Variants in KCNU1 observed in about 807,000 individuals in gnomAD.
KCNU1 encodes the protein potassium calcium-activated channel subfamily U member 1.
Under a neutral mutation model 126.8 loss-of-function variants are expected in KCNU1, and 93 were observed. That is an observed-to-expected ratio of 0.73 (90% CI 0.62 to 0.87). The LOEUF is 0.87. Among genes scored for constraint, KCNU1 ranks in the 40% least tolerant of loss-of-function variants. The probability of loss-of-function intolerance (pLI) is 0.00; values close to 1 mark genes in which losing one functional copy is unlikely to be tolerated. For synonymous variants in KCNU1, 523 were observed against 494.2 expected, an observed-to-expected ratio of 1.06 and a Z score of -0.77; for missense variants, 1,330 against 1,367.1, an observed-to-expected ratio of 0.97 and a Z score of 0.43.
At chr8:36,829,108 TTAAC>T (rs1254698356) in intron 10 of KCNU1, among the ~76,000 whole-genome samples, 2 of 152,090 alleles carry the variant, frequency 1.3e-5, no homozygotes, top group African/African-American at 4.8e-5. Flanking sequence ...ATTTTTTTAC[TTAAC>T]TATTTTGTGT....
chr8:36,827,176 C>A (rs1481665509), intron 10 of KCNU1, among the ~76,000 whole-genome samples: 1 of 152,168 alleles, frequency 6.6e-6, no homozygotes, highest in Admixed American at 6.6e-5. Context: ...CTTTGAAACA[C>A]AACAGGGCAC....
chr8:36,784,597 A>G lies in KCNU1; in HGVS notation c.187A>G (p.Ile63Val). ...ATGGCAAATCATCAAGGGAACAGGA[A>G]TTATCTTGGTCAGTTTCCTTGTTAG... ...KKWQIIKGTG[I>V]ILELFTSGTI... The change falls in exon 1 of 27, where the codon ATT becomes GTT. Residue 63 changes from isoleucine (I) to valine (V), a missense_variant. Transcript: ENST00000399881. 1 of 1,611,214 alleles carries G rather than the reference A, an allele frequency of 6.2e-7. No individual in the cohort carries two copies.
In KCNU1 at chr8:36,928,845, G is replaced by A. The variant is rs554342945; in HGVS notation, c.2737-2106G>A. 1.6e-5 allele frequency: 9 copies of A among 576,886 alleles called. No individual in the cohort carries two copies. The African/African-American group carries it at 1.7e-4, about 11-fold the overall frequency. 35.7% of individuals were successfully genotyped at this position (576,886 alleles called of 1,614,324 possible). On this transcript the variant is annotated intron_variant, in intron 24 of 26. Transcript: ENST00000399881. ...TCTGATCTGAGGACAACCAGTGTCA[G>A]AACCACTCAGAGTGCCCTTTAAATT...
rs1393674822 is a variant in KCNU1 at position 36,814,242 on chromosome 8, A to G, written c.768A>G (p.Arg256=). 1.9e-6 allele frequency: 3 copies of G among 1,613,486 alleles called. No individual in the cohort carries two copies. Among genetic ancestry groups the G allele is most frequent in the Non-Finnish European group, 2.5e-6 (3 of 1,179,558 alleles). Residue 256 remains arginine (R), a synonymous_variant, in exon 8 of 27, where the codon AGA becomes AGG. Transcript: ENST00000399881. ...ENSGDPWLKG[R]NSQNISYFES... Reference sequence around the variant, plus strand: ...CTGGTGATCCCTGGCTCAAAGGTAGAAATTCACAGAATATATCATATTTTG... The same window carrying G: ...CTGGTGATCCCTGGCTCAAAGGTAGGAATTCACAGAATATATCATATTTTG...
At chr8:36,884,042 G>A (rs1448215351) in intron 19 of KCNU1, among the ~76,000 whole-genome samples, 3 of 152,150 alleles carry the variant, frequency 2.0e-5, no homozygotes, top group African/African-American at 2.4e-5. Context: ...CTGAGATAAC[G>A]AAGTTTCATA....
Position 36,932,957 on chromosome 8 carries a change from T to C in KCNU1, c.2969T>C (p.Leu990Ser). ...NTFGQLFCGS[L>S]DLFGILCVGL... ...TTTGGACAACTGTTCTGTGGCTCAT[T>C]AGATCTTTTTGGAATCCTGTGTGTT... The change falls in exon 26 of 27, where the codon TTA (leucine) becomes TCA (serine). Residue 990 changes from leucine to serine, a missense_variant. Physicochemically the swap from Leu to Ser is moderately radical, Grantham distance 145. Transcript: ENST00000399881. 1 of 1,576,670 alleles carries C rather than the reference T, an allele frequency of 6.3e-7. No homozygotes were observed. Among genetic ancestry groups the C allele is most frequent in the Non-Finnish European group, 8.6e-7 (1 of 1,159,398 alleles).
intron 18 of KCNU1, among the ~76,000 whole-genome samples, chr8:36,863,932 G>A (rs1049710820): frequency 6.6e-6 from 1 of 152,066 alleles, no homozygotes; most frequent in Non-Finnish European, 1.5e-5. Flanking sequence ...CTGTAAGATC[G>A]AGATTCTTCA....
At chr8:36,857,268 G>A (rs1805560539) in intron 18 of KCNU1, among the ~76,000 whole-genome samples, 1 of 152,192 alleles carries the variant, frequency 6.6e-6, no homozygotes, top group Non-Finnish European at 1.5e-5. Context: ...CCTAAACAGA[G>A]CCTCACCTAT....
chr8:36,793,334 C>T (rs951328462), intron 2 of KCNU1, among the ~76,000 whole-genome samples: 10 of 150,474 alleles, frequency 6.6e-5, no homozygotes, highest in African/African-American at 2.2e-4. Flanking sequence ...GCACATGTAC[C>T]CTAGAACTTA....
At chr8:36,926,379 T>C (rs1808533295) in intron 24 of KCNU1, among the ~76,000 whole-genome samples, 1 of 152,164 alleles carries the variant, frequency 6.6e-6, no homozygotes, top group Admixed American at 6.5e-5. Flanking sequence ...CCTGACAATG[T>C]TCTGTGCAGA....
At position 36,922,523 on chromosome 8, in the gene KCNU1, T is replaced by A; in HGVS notation, c.2630T>A (p.Leu877His). 6.2e-7 allele frequency: 1 copy of A among 1,613,578 alleles called. No homozygotes were observed. Among genetic ancestry groups the A allele is most frequent in the Non-Finnish European group, 8.5e-7 (1 of 1,179,686 alleles). ...TCCAACATTCACTTTATTGAACAGC[T>A]TGGTGGACTGGAAGGGTCCCTCCAA... ...NPSNIHFIEQLGGLEGSLQET... is the reference protein window; with the variant it reads ...NPSNIHFIEQHGGLEGSLQET... Residue 877 changes from leucine (L) to histidine (H), a missense_variant, in exon 24 of 27, where the codon CTT (leucine) becomes CAT (histidine). Around this residue, in one of 3 missense-constraint regions of KCNU1, gnomAD observed 1,054 missense variants for 1,053.9 expected, o/e 1.00. Transcript: ENST00000399881.
chr8:36,868,589 A>G (rs1805992777), intron 19 of KCNU1, among the ~76,000 whole-genome samples: 1 of 152,104 alleles, frequency 6.6e-6, no homozygotes, highest in Non-Finnish European at 1.5e-5. Context: ...TACTTAAAGC[A>G]TTACAGACAG....
chr8:36,929,539 A>G (rs1178850152), intron 24 of KCNU1, among the ~76,000 whole-genome samples: 1 of 152,160 alleles, frequency 6.6e-6, no homozygotes, highest in Non-Finnish European at 1.5e-5. Context: ...TAAAATATAG[A>G]AGAATGAAAT....
At chr8:36,921,335 T>C (rs1051425268) in intron 23 of KCNU1, among the ~76,000 whole-genome samples, 1 of 152,248 alleles carries the variant, frequency 6.6e-6, no homozygotes, top group African/African-American at 2.4e-5. Context: ...AAACAGGCAG[T>C]AAGCATGCCT....
In KCNU1 at chr8:36,784,606, G is replaced by A; in HGVS notation, c.195+1G>A. On this transcript the variant is annotated splice_donor_variant, in intron 1 of 26. Coordinates refer to ENST00000399881, the MANE Select transcript of KCNU1 (RefSeq NM_001031836.3). LOFTEE classifies it high-confidence loss of function. ...CATCAAGGGAACAGGAATTATCTTG[G>A]TCAGTTTCCTTGTTAGGGATCCCTC... The A allele has an allele frequency of 1.2e-6, 2 of 1,607,644 alleles. No homozygotes were observed. Among genetic ancestry groups the A allele is most frequent in the Non-Finnish European group, 1.7e-6 (2 of 1,175,776 alleles).
chr8:36,873,807 A>G (rs183445800), intron 19 of KCNU1, among the ~76,000 whole-genome samples: 266 of 152,334 alleles, frequency 1.7e-3, no homozygotes, highest in Middle Eastern at 3.4e-3. Context: ...AGCTGTAAAT[A>G]TTGGAATTGC....
intron 10 of KCNU1, among the ~76,000 whole-genome samples, chr8:36,830,114 T>G (rs1301108423): frequency 6.7e-6 from 1 of 149,826 alleles, no homozygotes; most frequent in Admixed American, 6.7e-5. Context: ...TAAATCTTTA[T>G]TAATCCAGAT....
chr8:36,831,273 C>T (rs1804536948), intron 10 of KCNU1, among the ~76,000 whole-genome samples: 2 of 152,158 alleles, frequency 1.3e-5, no homozygotes, highest in South Asian at 2.1e-4. Flanking sequence ...GGTATATACC[C>T]AGTAATGGGA....
intron 9 of KCNU1, among the ~76,000 whole-genome samples, chr8:36,816,932 C>G (rs1803933982): frequency 7.0e-6 from 1 of 143,608 alleles, no homozygotes; most frequent in Non-Finnish European, 1.5e-5. Flanking sequence ...TTCTGCTCCT[C>G]AAGAAAAAAA....
Sources: gnomAD v4.1 joint callset for allele counts (sites outside exome capture counted in the v4.1 genomes callset) on GRCh38, gnomAD v4.1.1 for gene constraint, gnomAD v4.1.1 regional missense constraint, MANE v1.5 for transcripts, NCBI Gene and HGNC (gene_info 2026-07-23, HGNC 2026-07-21) for gene names.